NEK11: variants seen among roughly 807,000 people sequenced by gnomAD.
NEK11 encodes the protein serine/threonine-protein kinase Nek11.
NEK11 carries 72 observed loss-of-function variants against 80.7 expected under a neutral mutation model. The ratio of observed to expected loss-of-function variants is 0.89; its 90% CI spans 0.74 to 1.08. The LOEUF is 1.08. Among genes scored for constraint, NEK11 ranks in the 50% least tolerant of loss-of-function variants. The pLI, the probability that NEK11 is intolerant of heterozygous loss-of-function variation, is 0.00. For missense variants in NEK11, 764 were observed against 763.6 expected, an observed-to-expected ratio of 1.00 and a Z score of -0.01; for synonymous variants, 251 against 260.7, an observed-to-expected ratio of 0.96 and a Z score of 0.36.
intron 14 of NEK11, among the ~76,000 whole-genome samples, chr3:131,223,142 A>G (rs1275930931): frequency 6.6e-6 from 1 of 152,220 alleles, no homozygotes; most frequent in East Asian, 1.9e-4. Context: ...TTTTCCCCTT[A>G]GTGACAGGAG....
chr3:131,070,457 T>G (rs2073068046), intron 3 of NEK11, among the ~76,000 whole-genome samples: 1 of 152,106 alleles, frequency 6.6e-6, no homozygotes, highest in Non-Finnish European at 1.5e-5. Flanking sequence ...GCCTCCCTCT[T>G]CTGTATGATG....
At chr3:131,076,775 C>G (rs372462872) in intron 3 of NEK11, among the ~76,000 whole-genome samples, 3 of 152,146 alleles carry the variant, frequency 2.0e-5, no homozygotes, top group African/African-American at 7.2e-5. Flanking sequence ...AAAAACACAA[C>G]CATACATGTT....
At chr3:131,072,590 G>A (rs1386999106) in intron 3 of NEK11, among the ~76,000 whole-genome samples, 2 of 152,126 alleles carry the variant, frequency 1.3e-5, no homozygotes, top group Non-Finnish European at 1.5e-5. Context: ...CTCAGGTTGT[G>A]GGGGAGAAAG....
In NEK11 at chr3:131,170,723, G is replaced by T. The variant is rs373727819; in HGVS notation, c.1285-50G>T. ...GAATATTTTTTTCATTTGTGGTAGTGCTGTTTCCTTCTATCAGCATCTCAT... is the reference window on the plus strand; with the variant it reads ...GAATATTTTTTTCATTTGTGGTAGTTCTGTTTCCTTCTATCAGCATCTCAT... On this transcript the variant is annotated intron_variant, in intron 13 of 17. Transcript: ENST00000383366. The T allele has an allele frequency of 3.8e-5, 42 of 1,099,230 alleles. No homozygotes were observed. The African/African-American group carries it at 6.2e-4, about 16-fold the overall frequency. 68.1% of individuals were successfully genotyped at this position (1,099,230 alleles called of 1,614,324 possible).
chr3:131,115,903 T>TTTCC lies in NEK11; in HGVS notation c.455+5985_455+5986insCTTC, dbSNP rs1229682278. ...TAAAATGTTCCCTGAAAGGTAGTGT[T>TTTCC]TTCTTTCTTTCTTTCTTTCTTTCTT... is the stretch of plus-strand genomic sequence containing the variant. On this transcript the variant is annotated intron_variant, in intron 5 of 17. Transcript: ENST00000383366. Among the ~76,000 whole-genome samples, 11 of 23,970 alleles carry TTTCC rather than the reference T, an allele frequency of 4.6e-4. No individual in the cohort carries two copies. In the South Asian group the frequency reaches 4.7e-3, roughly 10 times the overall value. 15.7% of individuals were successfully genotyped at this position (23,970 alleles called of 152,430 possible).
In NEK11 at chr3:131,080,548, T is replaced by A. The variant is rs2075097344; in HGVS notation, c.296T>A (p.Val99Glu). Residue 99 changes from valine to glutamate, a missense_variant, in exon 4 of 18, where the codon GTG (valine) becomes GAG (glutamate). By Grantham distance (121) the Val-to-Glu change is moderately radical. Coordinates refer to ENST00000383366, the MANE Select transcript of NEK11 (RefSeq NM_024800.5). ...PAIVKFHASF[V>E]EQDNFCIITE... ...ATTGTCAAGTTCCATGCAAGTTTTG[T>A]GGAGCAAGATAATTTCTGCATTATC... is the stretch of plus-strand genomic sequence containing the variant. 1 of 1,613,516 alleles carries A rather than the reference T, an allele frequency of 6.2e-7. No individual in the cohort carries two copies. The highest frequency in any genetic ancestry group is 2.2e-5 in the East Asian group (1 of 44,884).
At chr3:131,257,040 A>G (rs1200394472) in intron 16 of NEK11, among the ~76,000 whole-genome samples, 1 of 152,044 alleles carries the variant, frequency 6.6e-6, no homozygotes, top group African/African-American at 2.4e-5. Flanking sequence ...GCTGGAGTAC[A>G]GTGGCACAAT....
At position 131,108,445 on chromosome 3, in the gene NEK11, G is replaced by A. The variant is rs79921599; in HGVS notation, c.337-1358G>A. The stretch of plus-strand genomic sequence containing the variant: ...TTGCATCCTGCAAAGACTAAACACA[G>A]TTAACATTGAATCCATCCTTTTCTT... On this transcript the variant is annotated intron_variant, in intron 4 of 17. Transcript: ENST00000383366. 4.9e-3 allele frequency among the ~76,000 whole-genome samples: 745 copies of A among 152,262 alleles called. 11 individuals carry two copies. The highest frequency in any genetic ancestry group is 0.017 in the African/African-American group (709 of 41,566).
intron 17 of NEK11, among the ~76,000 whole-genome samples, chr3:131,286,789 A>G (rs1476933780): frequency 6.6e-6 from 1 of 152,210 alleles, no homozygotes; most frequent in Non-Finnish European, 1.5e-5. Flanking sequence ...GTTTACTCTG[A>G]CAGTATGGTA....
intron 17 of NEK11, among the ~76,000 whole-genome samples, chr3:131,334,795 T>G (rs959189239): frequency 6.6e-6 from 1 of 152,166 alleles, no homozygotes; most frequent in African/African-American, 2.4e-5. Flanking sequence ...ATATCACCAC[T>G]GATCCCACAG....
chr3:131,249,659 CAGCATGGACTCCTTCAGGTTCAGAAA>C (rs2095665220), intron 16 of NEK11, among the ~76,000 whole-genome samples: 1 of 152,124 alleles, frequency 6.6e-6, no homozygotes, highest in South Asian at 2.1e-4. Flanking sequence ...ACTGGAAGAA[CAGCATGGACTCCTTCAGGTTCAGAAA>C]AGCATGGACT....
chr3:131,243,370 T>C, intron 15 of NEK11, 66 bp from the exon 16 acceptor site: 1 of 1,449,466 alleles, frequency 6.9e-7, no homozygotes, highest in Non-Finnish European at 9.6e-7. Flanking sequence ...TAAGAACATT[T>C]TTCCATGTTA....
In NEK11 at chr3:131,109,897, T is replaced by C; in HGVS notation, c.431T>C (p.Leu144Pro). Residue 144 changes from leucine to proline, a missense_variant, in exon 5 of 18, where the codon CTG (leucine) becomes CCG (proline). Transcript: ENST00000383366. ...QIIEWFIQLL[L>P]GVDYMHERRI... ...ATAGAATGGTTTATCCAGCTGCTGCTGGGAGTTGACTACATGCATGAGAGG... is the reference window on the plus strand; with the variant it reads ...ATAGAATGGTTTATCCAGCTGCTGCCGGGAGTTGACTACATGCATGAGAGG... 1 of 1,601,200 alleles carries C rather than the reference T, an allele frequency of 6.2e-7. No individual in the cohort carries two copies. The highest frequency in any genetic ancestry group is 8.5e-7 in the Non-Finnish European group (1 of 1,175,170).
At chr3:131,270,664 C>T (rs2096165356) in intron 16 of NEK11, among the ~76,000 whole-genome samples, 1 of 152,182 alleles carries the variant, frequency 6.6e-6, no homozygotes, top group African/African-American at 2.4e-5. Context: ...CTCTGAGCAC[C>T]AAGCTTTGCC....
Position 131,280,923 on chromosome 3 carries a change from G to T in NEK11, c.1718+7349G>T, listed in dbSNP as rs112667028. 9.7e-3 allele frequency among the ~76,000 whole-genome samples: 1,474 copies of T among 152,306 alleles called. 17 individuals are homozygous for T. The highest frequency in any genetic ancestry group is 0.032 in the African/African-American group (1,319 of 41,566). ...CTGGGTTCTCTATGCAATGGCTGAT[G>T]AATGACCAGGTTTACCAGTTTGGCA... On this transcript the variant is annotated intron_variant, in intron 17 of 17. Transcript: ENST00000383366.
chr3:131,178,082 G>A (rs1481818180), intron 14 of NEK11, among the ~76,000 whole-genome samples: 2 of 152,170 alleles, frequency 1.3e-5, no homozygotes, highest in Non-Finnish European at 2.9e-5. Flanking sequence ...TCTAAACACA[G>A]AAAATAGACA....
chr3:131,093,387 A>T (rs1393592379), intron 4 of NEK11, among the ~76,000 whole-genome samples: 1 of 151,540 alleles, frequency 6.6e-6, no homozygotes, highest in African/African-American at 2.4e-5. Flanking sequence ...GTCTGAATAT[A>T]TGAATCTAAA....
At chr3:131,248,472 T>A (rs1216318528) in intron 16 of NEK11, among the ~76,000 whole-genome samples, 1 of 152,102 alleles carries the variant, frequency 6.6e-6, no homozygotes. Flanking sequence ...GGTTTGGGTC[T>A]GGAAAAATGC....
At chr3:131,128,295 C>A (rs528956783) in intron 5 of NEK11, among the ~76,000 whole-genome samples, 3 of 152,264 alleles carry the variant, frequency 2.0e-5, no homozygotes, top group Middle Eastern at 6.8e-3. Context: ...CCTAAAAATT[C>A]TCTGTGCTCT....
Sources: gnomAD v4.1 joint callset for allele counts (sites outside exome capture counted in the v4.1 genomes callset) on GRCh38, gnomAD v4.1.1 for gene constraint, MANE v1.5 for transcripts, NCBI Gene and HGNC (gene_info 2026-07-23, HGNC 2026-07-21) for gene names.